Variants in BIRC6 observed in about 807,000 individuals in gnomAD.
BIRC6 encodes the protein dual E2 ubiquitin-conjugating enzyme/E3 ubiquitin-protein ligase BIRC6.
In BIRC6, 98 loss-of-function variants were observed where a neutral mutation model predicts 503.3. The ratio of observed to expected loss-of-function variants is 0.19; its 90% CI spans 0.17 to 0.23. The LOEUF (loss-of-function observed/expected upper bound fraction) is 0.23. Among genes scored for constraint, BIRC6 ranks in the 10% least tolerant of loss-of-function variants. The probability of loss-of-function intolerance (pLI) is 1.00; values close to 1 mark genes in which losing one functional copy is unlikely to be tolerated. For missense variants in BIRC6, 5,360 were observed against 5,806.0 expected, an observed-to-expected ratio of 0.92 and a Z score of 2.50; for synonymous variants, 2,240 against 2,078.7, an observed-to-expected ratio of 1.08 and a Z score of -2.11.
chr2:32,412,787 G>A (rs540584179), intron 9 of BIRC6, among the ~76,000 whole-genome samples: 40 of 152,136 alleles, frequency 2.6e-4, no homozygotes, highest in Admixed American at 9.8e-4. Context: ...AGGAAACTGA[G>A]ATTACAATCT....
chr2:32,469,432 T>C lies in BIRC6; in HGVS notation c.6165T>C (p.His2055=), dbSNP rs781337567. 6.2e-7 allele frequency: 1 copy of C among 1,613,870 alleles called. No individual in the cohort carries two copies. The highest frequency in any genetic ancestry group is 8.5e-7 in the Non-Finnish European group (1 of 1,179,808). Residue 2055 remains histidine (H), a synonymous_variant, in exon 30 of 74, where the codon CAT becomes CAC. Transcript: ENST00000421745. The part of the protein sequence containing the change: ...SVPAVLQSTF[H]AQACEELFKH... Reference sequence around the variant, plus strand: ...CTGCAGTTTTGCAGAGCACATTTCATGCCCAGGCCTGTGAAGAGCTCTTTA... The same window carrying C: ...CTGCAGTTTTGCAGAGCACATTTCACGCCCAGGCCTGTGAAGAGCTCTTTA...
intron 10 of BIRC6, among the ~76,000 whole-genome samples, chr2:32,423,104 T>G (rs2150150805): frequency 6.6e-6 from 1 of 152,176 alleles, no homozygotes; most frequent in Non-Finnish European, 1.5e-5. Context: ...ATTTTTGTAT[T>G]TTTACAAAAC....
At chr2:32,466,903 A>G (rs781568362) in intron 26 of BIRC6, among the ~76,000 whole-genome samples, 1 of 151,924 alleles carries the variant, frequency 6.6e-6, no homozygotes, top group Non-Finnish European at 1.5e-5. Flanking sequence ...GTGGATCACG[A>G]GGTCAGGAGA....
At chr2:32,591,488 A>G (rs2061378771) in intron 66 of BIRC6, among the ~76,000 whole-genome samples, 1 of 152,034 alleles carries the variant, frequency 6.6e-6, no homozygotes, top group Admixed American at 6.6e-5. Flanking sequence ...TAGAATCAGT[A>G]GTTCCAAGGG....
At chr2:32,455,958 C>T (rs909131100) in intron 23 of BIRC6, among the ~76,000 whole-genome samples, 8 of 152,134 alleles carry the variant, frequency 5.3e-5, no homozygotes, top group African/African-American at 1.9e-4. Flanking sequence ...ATCCTGTTTA[C>T]TTTTTTGAAA....
In BIRC6 at chr2:32,483,123, G is replaced by T. The variant is rs529104380; in HGVS notation, c.7696+541G>T. 3.3e-5 allele frequency among the ~76,000 whole-genome samples: 5 copies of T among 152,040 alleles called. No homozygotes were observed. The East Asian group carries it at 9.7e-4, about 29-fold the overall frequency. On this transcript the variant is annotated intron_variant, in intron 39 of 73. Transcript: ENST00000421745. Reference sequence around the variant, plus strand: ...AGTAGAGACAGGTTTCACCATGTTGGCCAGGCTGGTCTCGAACTTGTGACC... The same window carrying T: ...AGTAGAGACAGGTTTCACCATGTTGTCCAGGCTGGTCTCGAACTTGTGACC...
At chr2:32,445,462 C>T in intron 20 of BIRC6, 59 bp from the exon 21 acceptor site, 1 of 1,397,016 alleles carries the variant, frequency 7.2e-7, no homozygotes. Context: ...ATCTTAAATT[C>T]TCATTGTTAG....
rs1415492990 is a variant in BIRC6 at position 32,515,594 on chromosome 2, A to T, written c.11173A>T (p.Thr3725Ser). ...LLFLLCHSGS[T>S]SGSHNLGAQQ... ...GTTTTTATTGTGTCACTCTGGGTCC[A>T]CTTCTGGAAGCCATAATTTAGGTGC... Residue 3725 changes from threonine to serine, a missense_variant, in exon 55 of 74, where the codon ACT becomes TCT. Transcript: ENST00000421745. 3.1e-6 allele frequency: 5 copies of T among 1,613,718 alleles called. No homozygotes were observed. The highest frequency in any genetic ancestry group is 4.2e-6 in the Non-Finnish European group (5 of 1,179,854).
intron 64 of BIRC6, among the ~76,000 whole-genome samples, chr2:32,548,315 C>CT (rs112188615): frequency 1.2e-3 from 140 of 118,594 alleles, no homozygotes; most frequent in East Asian, 7.6e-3. Context: ...TGTATCTGGC[C>CT]TTTTTTTTTT....
Position 32,383,138 on chromosome 2 carries a change from C to T in BIRC6, c.645+2848C>T, listed in dbSNP as rs111828525. ...CTCGGCTCACTGCAAGTTCCACCTC[C>T]TGGGTTCAGGTGGTTCTCCTGCCTC... On this transcript the variant is annotated intron_variant, in intron 3 of 73. Transcript: ENST00000421745. 2.1e-3 allele frequency among the ~76,000 whole-genome samples: 314 copies of T among 151,274 alleles called. 1 individual carries two copies. Among genetic ancestry groups the T allele is most frequent in the Admixed American group, 4.9e-3 (75 of 15,238 alleles).
chr2:32,565,209 C>G (rs777396303), intron 65 of BIRC6: 44 of 152,106 alleles, frequency 2.9e-4, no homozygotes, highest in Admixed American at 1.5e-3. Context: ...GTTTTAGAAC[C>G]TTACAGTGGA....
intron 10 of BIRC6, among the ~76,000 whole-genome samples, chr2:32,422,776 C>T (rs1185798207): frequency 1.3e-5 from 2 of 152,014 alleles, no homozygotes; most frequent in African/African-American, 4.8e-5. Flanking sequence ...TGTTGCATGC[C>T]TTGTAGATCA....
At chr2:32,455,820 GT>G (rs746649905) in intron 23 of BIRC6, among the ~76,000 whole-genome samples, 135 of 152,228 alleles carry the variant, frequency 8.9e-4, no homozygotes, top group Non-Finnish European at 1.7e-3. Flanking sequence ...GCTAGTCTGT[GT>G]ATATATATGC....
At chr2:32,586,013 A>G (rs1349602571) in intron 66 of BIRC6, among the ~76,000 whole-genome samples, 3 of 152,210 alleles carry the variant, frequency 2.0e-5, no homozygotes, top group Non-Finnish European at 4.4e-5. Flanking sequence ...TTTAGCTTCT[A>G]AGCCTTCTGA....
At chr2:32,447,582 G>A (rs1413860610) in intron 21 of BIRC6, among the ~76,000 whole-genome samples, 2 of 109,498 alleles carry the variant, frequency 1.8e-5, no homozygotes, top group African/African-American at 8.2e-5. Flanking sequence ...CCTCCCGGAC[G>A]GGGCGGCTGG....
chr2:32,498,507 G>T (rs1469742478), intron 45 of BIRC6, among the ~76,000 whole-genome samples: 1 of 152,010 alleles, frequency 6.6e-6, no homozygotes, highest in Non-Finnish European at 1.5e-5. Flanking sequence ...TGACATAGTT[G>T]TCATGTTTTT....
intron 40 of BIRC6, 112 bp from the exon 41 acceptor site, chr2:32,487,535 G>T: frequency 1.1e-6 from 1 of 914,978 alleles, no homozygotes. Context: ...CCATTCTAAA[G>T]AATGCAGTTT....
chr2:32,449,571 AT>A (rs2148538560), intron 22 of BIRC6, among the ~76,000 whole-genome samples: 1 of 152,334 alleles, frequency 6.6e-6, no homozygotes, highest in South Asian at 2.1e-4. Flanking sequence ...TGTTGTTAGG[AT>A]ACAAAAATGT....
chr2:32,380,553 C>T (rs963686864), intron 3 of BIRC6, among the ~76,000 whole-genome samples: 4 of 152,058 alleles, frequency 2.6e-5, no homozygotes, highest in Admixed American at 6.6e-5. Context: ...ATGGCGAAAC[C>T]CCATCTCTAT....
Sources: allele counts gnomAD v4.1 joint callset (sites outside exome capture counted in the v4.1 genomes callset), GRCh38; gene constraint gnomAD v4.1.1; transcripts MANE v1.5; gene names NCBI Gene and HGNC (gene_info 2026-07-23, HGNC 2026-07-21).